VPS13B: variants seen among roughly 807,000 people sequenced by gnomAD.
The protein encoded by VPS13B is vacuolar protein sorting 13 homolog B, also known as intermembrane lipid transfer protein VPS13B.
In VPS13B, 285 loss-of-function variants were observed where a neutral mutation model predicts 426.4. That is an observed-to-expected ratio of 0.67 (90% CI 0.61 to 0.74). The LOEUF (loss-of-function observed/expected upper bound fraction) is 0.74, where lower values mean the gene tolerates loss of function less well. VPS13B is among the 30% of genes least tolerant of loss of function. The pLI is 0.00. For synonymous variants in VPS13B, 1,676 were observed against 1,676.4 expected, an observed-to-expected ratio of 1.00 and a Z score of 0.01; for missense variants, 4,537 against 4,782.6, an observed-to-expected ratio of 0.95 and a Z score of 1.51.
At chr8:99,527,667 G>A (rs1270413977) in intron 30 of VPS13B, among the ~76,000 whole-genome samples, 1 of 152,078 alleles carries the variant, frequency 6.6e-6, no homozygotes, top group Non-Finnish European at 1.5e-5. Flanking sequence ...AGCCAAAAGA[G>A]AAGCAAGAAA....
intron 33 of VPS13B, among the ~76,000 whole-genome samples, chr8:99,622,661 G>A (rs769944815): frequency 6.6e-6 from 1 of 152,162 alleles, no homozygotes; most frequent in Non-Finnish European, 1.5e-5. Context: ...ACTGTATGCA[G>A]TTAGCATGTT....
At chr8:99,314,947 C>G (rs1457776043) in intron 19 of VPS13B, among the ~76,000 whole-genome samples, 2 of 151,880 alleles carry the variant, frequency 1.3e-5, no homozygotes, top group African/African-American at 4.8e-5. Context: ...TATAGCTGTT[C>G]CTGCTCTTTT....
chr8:99,292,974 A>G (rs1819818873), intron 19 of VPS13B, among the ~76,000 whole-genome samples: 1 of 152,126 alleles, frequency 6.6e-6, no homozygotes, highest in Non-Finnish European at 1.5e-5. Flanking sequence ...TGGAGTGAAG[A>G]CTATACTTTC....
At chr8:99,791,055 G>GT (rs1305210301) in intron 43 of VPS13B, among the ~76,000 whole-genome samples, 3 of 152,190 alleles carry the variant, frequency 2.0e-5, no homozygotes, top group Non-Finnish European at 2.9e-5. Flanking sequence ...AGTTTGAACA[G>GT]TAAGTATAGG....
Position 99,467,618 on chromosome 8 carries a change from A to T in VPS13B, c.3650A>T (p.Lys1217Ile), listed in dbSNP as rs138000928. 6.2e-6 allele frequency: 10 copies of T among 1,610,062 alleles called. No homozygotes were observed. In the South Asian group the frequency reaches 9.9e-5, roughly 16 times the overall value. Residue 1217 changes from lysine to isoleucine, a missense_variant, in exon 24 of 62, where the codon AAA becomes ATA. Transcript: ENST00000357162. ...GTTGACCTAGAGTCACTAGAGATAAAATGCTCTAATCCCCAGGTTGGTACA... is the reference window on the plus strand; with the variant it reads ...GTTGACCTAGAGTCACTAGAGATAATATGCTCTAATCCCCAGGTTGGTACA... ...LHVDLESLEI[K>I]CSNPQVQLFY...
intron 28 of VPS13B, among the ~76,000 whole-genome samples, chr8:99,508,657 G>T (rs1255907472): frequency 6.6e-6 from 1 of 152,004 alleles, no homozygotes; most frequent in South Asian, 2.1e-4. Context: ...ATTAGTGTCT[G>T]TGAAAAACAT....
intron 35 of VPS13B, among the ~76,000 whole-genome samples, chr8:99,666,188 T>A (rs1830477141): frequency 6.6e-6 from 1 of 152,216 alleles, no homozygotes; most frequent in Admixed American, 6.5e-5. Context: ...TGAAGTTGCT[T>A]ATCAGCTTGA....
At chr8:99,556,309 A>G (rs866264783) in intron 30 of VPS13B, 141 bp from the exon 31 acceptor site, 6 of 864,494 alleles carry the variant, frequency 6.9e-6, no homozygotes, top group Non-Finnish European at 1.1e-5. Flanking sequence ...AACCTTTTTC[A>G]TAGATGTGCC....
At chr8:99,243,048 G>A (rs539036885) in intron 17 of VPS13B, among the ~76,000 whole-genome samples, 15 of 152,124 alleles carry the variant, frequency 9.9e-5, no homozygotes, top group South Asian at 2.1e-4. Context: ...ACTAAATCCC[G>A]GCATCTTAAT....
intron 58 of VPS13B, among the ~76,000 whole-genome samples, chr8:99,864,105 AAG>A (rs1452366517): frequency 3.3e-5 from 5 of 152,330 alleles, no homozygotes; most frequent in African/African-American, 1.2e-4. Flanking sequence ...GTGTGGCAAG[AAG>A]AACAAAGAGC....
chr8:99,694,787 C>T (rs1221848382), intron 35 of VPS13B, among the ~76,000 whole-genome samples: 2 of 152,158 alleles, frequency 1.3e-5, no homozygotes, highest in East Asian at 3.8e-4. Flanking sequence ...AAAATTTTCA[C>T]CACCTACTCA....
intron 17 of VPS13B, among the ~76,000 whole-genome samples, chr8:99,258,280 T>TC (rs991443183): frequency 2.6e-5 from 4 of 151,956 alleles, no homozygotes; most frequent in African/African-American, 9.7e-5. Context: ...TTGTTTTTTT[T>TC]CTCAAGTTAT....
chr8:99,274,433 G>A, intron 18 of VPS13B, 101 bp downstream of exon 18: 2 of 1,564,068 alleles, frequency 1.3e-6, no homozygotes, highest in Non-Finnish European at 1.8e-6. Context: ...ACTCACTGTT[G>A]CTATGAATCA....
intron 35 of VPS13B, among the ~76,000 whole-genome samples, chr8:99,682,424 T>A (rs1022980823): frequency 6.6e-6 from 1 of 152,262 alleles, no homozygotes. Context: ...AATACTTTTT[T>A]ATATTTTTTT....
chr8:99,019,736 GTGTT>G (rs1221296325), intron 2 of VPS13B, among the ~76,000 whole-genome samples: 1 of 152,166 alleles, frequency 6.6e-6, no homozygotes, highest in Non-Finnish European at 1.5e-5. Flanking sequence ...GAATCATTCA[GTGTT>G]TGTTCTTTCG....
At chr8:99,062,636 T>C (rs1022200878) in intron 3 of VPS13B, among the ~76,000 whole-genome samples, 7 of 152,024 alleles carry the variant, frequency 4.6e-5, no homozygotes, top group African/African-American at 1.7e-4. Flanking sequence ...GCCTGGCTAA[T>C]TTTGTATTTT....
chr8:99,149,623 GTT>G (rs5893484), intron 14 of VPS13B, among the ~76,000 whole-genome samples: 45 of 140,832 alleles, frequency 3.2e-4, no homozygotes, highest in African/African-American at 4.9e-4. Context: ...TGGCCTATGT[GTT>G]TTTTTTTTTT....
chr8:99,198,985 C>G (rs549079658), intron 17 of VPS13B, among the ~76,000 whole-genome samples: 4 of 152,010 alleles, frequency 2.6e-5, no homozygotes, highest in Non-Finnish European at 5.9e-5. Context: ...TATTATTTTG[C>G]GTCTGAGGAC....
At chr8:99,428,746 A>G (rs1816893396) in intron 21 of VPS13B, among the ~76,000 whole-genome samples, 1 of 152,236 alleles carries the variant, frequency 6.6e-6, no homozygotes, top group African/African-American at 2.4e-5. Context: ...ATCAAGAACT[A>G]GAAATACCAT....
Sources: gnomAD v4.1 joint callset for allele counts (sites outside exome capture counted in the v4.1 genomes callset) on GRCh38, gnomAD v4.1.1 for gene constraint, MANE v1.5 for transcripts, NCBI Gene and HGNC (gene_info 2026-07-23, HGNC 2026-07-21) for gene names.